The following ARSF variants were observed in gnomAD, a reference collection of about 807,000 sequenced individuals.
The protein encoded by ARSF is arylsulfatase F.
Under a neutral mutation model 35.4 loss-of-function variants are expected in ARSF, and 33 were observed. That is an observed-to-expected ratio of 0.93 (90% confidence interval 0.71 to 1.25). The LOEUF is 1.25. Among genes scored for constraint, ARSF ranks in the 50% most tolerant of loss-of-function variants. The pLI, the probability that ARSF is intolerant of heterozygous loss-of-function variation, is 0.00. For synonymous variants in ARSF, 222 were observed against 193.1 expected (o/e 1.15, Z -1.24); for missense variants, 501 against 480.2 (o/e 1.04, Z -0.40).
intron 4 of ARSF, among the ~76,000 whole-genome samples, chrX:3,077,178 T>A (rs1354304722): frequency 8.9e-6 from 1 of 112,432 alleles, no homozygotes; most frequent in Non-Finnish European, 1.9e-5. Context: ...GTGCTTCAGT[T>A]GTCTTTTGAT....
intron 7 of ARSF, among the ~76,000 whole-genome samples, chrX:3,098,494 G>A (rs2090353828): frequency 9.0e-6 from 1 of 110,579 alleles, no homozygotes; most frequent in Non-Finnish European, 1.9e-5. Context: ...AATCATGGAG[G>A]CAGTTTCCCC....
intron 4 of ARSF, among the ~76,000 whole-genome samples, chrX:3,077,445 C>A (rs1236493519): frequency 1.8e-5 from 2 of 111,426 alleles, no homozygotes; most frequent in Non-Finnish European, 3.8e-5. Context: ...TCGAGCCCAG[C>A]CTGGCCAACA....
intron 7 of ARSF, among the ~76,000 whole-genome samples, chrX:3,090,335 C>T (rs1048111527): frequency 2.7e-5 from 3 of 111,496 alleles, no homozygotes; most frequent in African/African-American, 9.8e-5. Context: ...TATCATCTCA[C>T]ACTGTTACTT....
chrX:3,071,340 G>A (rs2090102488), intron 2 of ARSF, among the ~76,000 whole-genome samples: 1 of 110,527 alleles, frequency 9.0e-6, no homozygotes, highest in African/African-American at 3.3e-5. Flanking sequence ...ACCTCGGTCC[G>A]TCACCCAGGC....
At chrX:3,080,169 C>T (rs189935381) in intron 4 of ARSF, among the ~76,000 whole-genome samples, 1 of 110,332 alleles carries the variant, frequency 9.1e-6, no homozygotes, top group African/African-American at 3.3e-5. Context: ...TGACTTTGGA[C>T]GAGAAGAAAG....
chrX:3,067,448 T>C (rs1431306681), intron 1 of ARSF, among the ~76,000 whole-genome samples: 1 of 111,233 alleles, frequency 9.0e-6, no homozygotes, highest in African/African-American at 3.3e-5. Flanking sequence ...TTTTGATTAA[T>C]TGCCTCTTTC....
intron 1 of ARSF, among the ~76,000 whole-genome samples, chrX:3,049,100 C>T (rs768313416): frequency 6.2e-5 from 7 of 112,616 alleles, no homozygotes; most frequent in South Asian, 7.3e-4. Flanking sequence ...CCGCCCGTGA[C>T]GCAGACTTCA....
At chrX:3,101,883 A>G (rs1315697089) in intron 8 of ARSF, among the ~76,000 whole-genome samples, 3 of 112,194 alleles carry the variant, frequency 2.7e-5, no homozygotes, top group Admixed American at 9.5e-5. Flanking sequence ...TGTCGAGTAT[A>G]TTTTATCATA....
Position 3,080,893 on chromosome X carries a change from A to G in ARSF, c.286A>G (p.Met96Val), listed in dbSNP as rs375489043. ...ACTTTTTTCCACACTACATCTAGGTATGGTTTCTAGTGGTAATAGACGTGT... is the reference window on the plus strand; with the variant it reads ...ACTTTTTTCCACACTACATCTAGGTGTGGTTTCTAGTGGTAATAGACGTGT... ...LTGRYPIRSG[M>V]VSSGNRRVIQ... The change falls in exon 5 of 11, where the codon ATG becomes GTG. Residue 96 changes from methionine to valine, a missense_variant and splice_region_variant. By Grantham distance (21) the Met-to-Val change is conservative. Coordinates refer to ENST00000381127, the MANE Select transcript of ARSF (RefSeq NM_001201539.2). 37 of 1,209,249 alleles carry G rather than the reference A, an allele frequency of 3.1e-5. No individual in the cohort carries two copies. The East Asian group carries it at 5.6e-4, about 18-fold the overall frequency.
intron 9 of ARSF, among the ~76,000 whole-genome samples, chrX:3,105,175 G>A (rs1289491852): frequency 2.7e-5 from 3 of 111,970 alleles, no homozygotes; most frequent in Admixed American, 1.9e-4. Context: ...GAAGAAATAG[G>A]TTCTGTTGGC....
rs757754615 is a variant in ARSF at position 3,062,982 on chromosome X, C to G, written c.-28-5091C>G. ...GGCCAACATCATCCTGATACCAAAG[C>G]CTGGCAGAGACACAACAAAAAAAGA... On this transcript the variant is annotated intron_variant, in intron 1 of 10. Coordinates refer to ENST00000381127, the MANE Select transcript of ARSF (RefSeq NM_001201539.2). Among the ~76,000 whole-genome samples, 4 of 111,662 alleles carry G rather than the reference C, an allele frequency of 3.6e-5. No individual in the cohort carries two copies. The East Asian group carries it at 1.1e-3, about 31-fold the overall frequency.
At chrX:3,070,882 C>T (rs1261893800) in intron 2 of ARSF, among the ~76,000 whole-genome samples, 2 of 110,414 alleles carry the variant, frequency 1.8e-5, no homozygotes, top group African/African-American at 6.6e-5. Flanking sequence ...CAACTCCATC[C>T]AGGTTGCTGC....
chrX:3,072,308 A>G, intron 3 of ARSF, 133 bp downstream of exon 3: 1 of 589,299 alleles, frequency 1.7e-6, no homozygotes, highest in Non-Finnish European at 2.6e-6. Context: ...AAACTTTTTG[A>G]TAGTTTTAAA....
At chrX:3,072,862 ATAT>A (rs1247190888) in intron 3 of ARSF, among the ~76,000 whole-genome samples, 1 of 103,725 alleles carries the variant, frequency 9.6e-6, no homozygotes. Context: ...ACATATCCAT[ATAT>A]TATGAATATA....
intron 5 of ARSF, among the ~76,000 whole-genome samples, chrX:3,083,440 G>A (rs138401947): frequency 0.026 from 2,876 of 108,675 alleles, 46 homozygotes; most frequent in Middle Eastern, 0.063. Context: ...TCTATCCTCC[G>A]TCATTTATTT....
intron 2 of ARSF, among the ~76,000 whole-genome samples, chrX:3,070,205 G>A (rs769370756): frequency 1.8e-5 from 2 of 111,322 alleles, no homozygotes; most frequent in African/African-American, 3.3e-5. Flanking sequence ...GTTCATCCAC[G>A]TTGTTGTAAA....
chrX:3,053,012 G>T (rs1378910760), intron 1 of ARSF, among the ~76,000 whole-genome samples: 1 of 111,308 alleles, frequency 9.0e-6, no homozygotes, highest in Non-Finnish European at 1.9e-5. Context: ...AAGTGAACAG[G>T]CTGCAAATTA....
intron 3 of ARSF, among the ~76,000 whole-genome samples, chrX:3,072,761 A>T (rs1487932344): frequency 9.2e-6 from 1 of 108,969 alleles, no homozygotes; most frequent in Non-Finnish European, 1.9e-5. Context: ...AGATATGAAC[A>T]TATAAATGTC....
chrX:3,079,293 A>G (rs1160682657), intron 4 of ARSF, among the ~76,000 whole-genome samples: 1 of 108,618 alleles, frequency 9.2e-6, no homozygotes, highest in East Asian at 2.9e-4. Context: ...CAGGAACCTC[A>G]ATTCTTTTGA....
Sources: allele counts gnomAD v4.1 joint callset (sites outside exome capture counted in the v4.1 genomes callset), GRCh38; gene constraint gnomAD v4.1.1; transcripts MANE v1.5; gene names NCBI Gene and HGNC (gene_info 2026-07-23, HGNC 2026-07-21).